The following ACTN4 variants were observed in gnomAD, a reference collection of about 807,000 sequenced individuals.
ACTN4 encodes the protein alpha-actinin-4.
ACTN4 carries 18 observed loss-of-function variants against 114.2 expected under a neutral mutation model. The observed-to-expected ratio is 0.16, with a 90% CI of 0.11 to 0.23. The LOEUF (loss-of-function observed/expected upper bound fraction) is 0.23, where lower values mean the gene tolerates loss of function less well. Ranked by LOEUF, ACTN4 falls within the 10% of genes least tolerant of loss-of-function variation. ACTN4 has a pLI of 1.00. For synonymous variants in ACTN4, 515 were observed against 506.3 expected (o/e 1.02, Z -0.23); for missense variants, 722 against 1,262.9 (o/e 0.57, Z 6.49).
At chr19:38,720,135 C>T (rs962487828) in intron 11 of ACTN4, among the ~76,000 whole-genome samples, 2 of 152,236 alleles carry the variant, frequency 1.3e-5, no homozygotes, top group Non-Finnish European at 2.9e-5. Flanking sequence ...GTAGCGGCCT[C>T]CTCCGCCCTG....
chr19:38,690,825 GTATGT>G (rs1967899643), intron 1 of ACTN4, among the ~76,000 whole-genome samples: 1 of 152,164 alleles, frequency 6.6e-6, no homozygotes, highest in African/African-American at 2.4e-5. Flanking sequence ...GAATTTTTTG[GTATGT>G]TATGTGAATT....
chr19:38,705,271 C>G (rs1267362729), intron 4 of ACTN4, among the ~76,000 whole-genome samples: 1 of 152,206 alleles, frequency 6.6e-6, no homozygotes, highest in Non-Finnish European at 1.5e-5. Context: ...TCACGCCACC[C>G]TCATGAGATG....
chr19:38,660,796 A>G (rs1976861858), intron 1 of ACTN4, among the ~76,000 whole-genome samples: 2 of 152,212 alleles, frequency 1.3e-5, no homozygotes, highest in Non-Finnish European at 1.5e-5. Flanking sequence ...TGACAGTGCC[A>G]GGATTTGAAT....
rs369856377 is a variant in ACTN4 at position 38,710,217 on chromosome 19, G to T, written c.734-40G>T. The stretch of plus-strand genomic sequence containing the variant: ...CCAGTGAGTGACGCCTCCACCCCCC[G>T]CCCTACTCGGGCAGTTTAACCCTTG... On this transcript the variant is annotated intron_variant, in intron 7 of 20. Transcript: ENST00000252699. 1.6e-5 allele frequency: 26 copies of T among 1,610,634 alleles called. No individual in the cohort carries two copies. The African/African-American group carries it at 2.1e-4, about 13-fold the overall frequency.
chr19:38,709,466 G>C lies in ACTN4; in HGVS notation c.723G>C (p.Leu241=), dbSNP rs754339114. Residue 241 remains leucine (L), a synonymous_variant, in exon 7 of 21, where the codon CTG becomes CTC. Coordinates refer to ENST00000252699, the MANE Select transcript of ACTN4 (RefSeq NM_004924.6). The part of the protein sequence containing the change: ...AEKYLDIPKM[L]DAEDIVNTAR... ...AATACCTCGACATCCCCAAGATGCT[G>C]GATGCAGAGGGTAAGTCATCTCTTC... is the stretch of plus-strand genomic sequence containing the variant. 1.9e-6 allele frequency: 3 copies of C among 1,613,602 alleles called. No homozygotes were observed. The East Asian group carries it at 6.7e-5, about 36-fold the overall frequency.
intron 1 of ACTN4, among the ~76,000 whole-genome samples, chr19:38,676,959 G>A (rs1967396328): frequency 6.6e-6 from 1 of 152,146 alleles, no homozygotes; most frequent in African/African-American, 2.4e-5. Context: ...AAACCTGCAA[G>A]TCCCCAAGGC....
At position 38,730,175 on chromosome 19, in the gene ACTN4, A is replaced by T. The variant is rs1027474961; in HGVS notation, c.*743A>T. 2 of 155,646 alleles carry T rather than the reference A, an allele frequency of 1.3e-5. No homozygotes were observed. The highest frequency in any genetic ancestry group is 2.5e-5 in the African/African-American group (1 of 40,812). The allele number at this position is 155,646 out of a possible 1,614,324, so 9.6% of individuals were successfully genotyped here. A position where few individuals can be genotyped will look rare whatever the true frequency, so the allele number is the denominator to read the frequency against. The stretch of plus-strand genomic sequence containing the variant: ...AAAACAAAAAAACTATAAAAAAGAA[A>T]GAATTAAAAACTTTCAGAGAATTAC... On this transcript the variant is annotated 3_prime_UTR_variant, in exon 21 of 21. Coordinates refer to ENST00000252699, the MANE Select transcript of ACTN4 (RefSeq NM_004924.6).
chr19:38,684,263 C>T (rs1967669703), intron 1 of ACTN4, among the ~76,000 whole-genome samples: 1 of 152,170 alleles, frequency 6.6e-6, no homozygotes, highest in Admixed American at 6.5e-5. Flanking sequence ...AAAAATGCCT[C>T]TTGCTGTTGT....
intron 1 of ACTN4, among the ~76,000 whole-genome samples, chr19:38,686,225 G>A (rs768200950): frequency 5.3e-5 from 8 of 152,172 alleles, no homozygotes; most frequent in African/African-American, 1.2e-4. Flanking sequence ...ATCCCTGGGC[G>A]GATTTGTCCA....
Position 38,673,725 on chromosome 19 carries a change from AC to A in ACTN4, c.162+25819del, listed in dbSNP as rs1400530830. On this transcript the variant is annotated intron_variant, in intron 1 of 20. Coordinates refer to ENST00000252699, the MANE Select transcript of ACTN4 (RefSeq NM_004924.6). ...TTTATATATTTATATATTTATATAT[AC>A]TTATATATATTTATATATTTATATA... is the stretch of plus-strand genomic sequence containing the variant. Among the ~76,000 whole-genome samples the A allele has an allele frequency of 3.1e-4, 13 of 42,066 alleles. 2 individuals are homozygous for A. The highest frequency in any genetic ancestry group is 6.5e-4 in the Non-Finnish European group (11 of 16,812). The allele number at this position is 42,066 out of a possible 152,430, so 27.6% of individuals were successfully genotyped here.
At chr19:38,677,209 TCTC>T (rs1326723337) in intron 1 of ACTN4, among the ~76,000 whole-genome samples, 2 of 152,062 alleles carry the variant, frequency 1.3e-5, no homozygotes, top group South Asian at 2.1e-4. Context: ...CACCTCTACT[TCTC>T]CTTTTAACTC....
chr19:38,659,050 T>G (rs1047858503), intron 1 of ACTN4, among the ~76,000 whole-genome samples: 2 of 122,758 alleles, frequency 1.6e-5, no homozygotes, highest in Non-Finnish European at 3.6e-5. Context: ...TAACTTTTTT[T>G]TCTTCTTTTC....
intron 1 of ACTN4, among the ~76,000 whole-genome samples, chr19:38,673,517 T>TTATA (rs1302416290): frequency 2.5e-5 from 2 of 80,390 alleles, no homozygotes; most frequent in East Asian, 3.8e-4. Flanking sequence ...GAATATATAT[T>TTATA]TATATATATT....
intron 3 of ACTN4, among the ~76,000 whole-genome samples, chr19:38,701,854 G>T (rs975033297): frequency 6.6e-6 from 1 of 152,250 alleles, no homozygotes; most frequent in Admixed American, 6.5e-5. Context: ...TGACATCCAT[G>T]TTGTCCCAGC....
At chr19:38,694,599 C>G (rs895341587) in intron 1 of ACTN4, among the ~76,000 whole-genome samples, 10 of 152,048 alleles carry the variant, frequency 6.6e-5, no homozygotes, top group African/African-American at 2.2e-4. Flanking sequence ...CTGTCTCTCC[C>G]TCACTGGCCA....
At chr19:38,702,564 C>T (rs758753492) in intron 3 of ACTN4, among the ~76,000 whole-genome samples, 1 of 152,210 alleles carries the variant, frequency 6.6e-6, no homozygotes, top group African/African-American at 2.4e-5. Context: ...CGGGGAGCTG[C>T]GGCCTTGCCC....
chr19:38,681,389 G>A (rs1243898056), intron 1 of ACTN4, among the ~76,000 whole-genome samples: 1 of 151,744 alleles, frequency 6.6e-6, no homozygotes, highest in Non-Finnish European at 1.5e-5. Context: ...TATCTAGTCA[G>A]GTTACTCTGG....
intron 6 of ACTN4, 81 bp downstream of exon 6, chr19:38,708,276 C>G: frequency 6.8e-7 from 1 of 1,466,778 alleles, no homozygotes; most frequent in Non-Finnish European, 9.5e-7. Flanking sequence ...TCCCCATGCC[C>G]TTCCATCGCC....
intron 1 of ACTN4, among the ~76,000 whole-genome samples, chr19:38,660,068 G>T (rs1166185287): frequency 6.6e-6 from 1 of 151,946 alleles, no homozygotes; most frequent in African/African-American, 2.4e-5. Flanking sequence ...GACTACAGGC[G>T]TGGCCATCAT....
Sources: gnomAD v4.1 joint callset for allele counts (sites outside exome capture counted in the v4.1 genomes callset) on GRCh38, gnomAD v4.1.1 for gene constraint, MANE v1.5 for transcripts, NCBI Gene and HGNC (gene_info 2026-07-23, HGNC 2026-07-21) for gene names.